The following TMPRSS9 variants were observed in gnomAD, a reference collection of about 807,000 sequenced individuals.
TMPRSS9 encodes transmembrane serine protease 9.
In TMPRSS9, 113 loss-of-function variants were observed where a neutral mutation model predicts 111.4. The ratio of observed to expected loss-of-function variants is 1.01; its 90% CI spans 0.87 to 1.19. The LOEUF is 1.19. Among genes scored for constraint, TMPRSS9 ranks in the 50% most tolerant of loss-of-function variants. The pLI, the probability that TMPRSS9 is intolerant of heterozygous loss-of-function variation, is 0.00. For missense variants in TMPRSS9, 1,803 were observed against 1,513.1 expected, an observed-to-expected ratio of 1.19 and a Z score of -3.18; for synonymous variants, 805 against 659.1, an observed-to-expected ratio of 1.22 and a Z score of -3.39.
chr19:2,422,355 G>T (rs1016155717), intron 14 of TMPRSS9, 108 bp downstream of exon 15: 31 of 1,309,938 alleles, frequency 2.4e-5, no homozygotes, highest in Non-Finnish European at 3.0e-5. Context: ...CGAGGCGGGC[G>T]GATCAAGAGG....
intron 1 of TMPRSS9, among the ~76,000 whole-genome samples, chr19:2,392,043 G>A (rs1339460512): frequency 6.6e-6 from 1 of 151,902 alleles, no homozygotes; most frequent in Non-Finnish European, 1.5e-5. Context: ...CGCCCCATCA[G>A]GAAGTCTTTC....
At chr19:2,385,136 C>G (rs1970448913), upstream of TMPRSS9, among the ~76,000 whole-genome samples, 1 of 143,660 alleles carries the variant, frequency 7.0e-6, no homozygotes, top group South Asian at 2.2e-4. Context: ...ACAGCCGGAG[C>G]TCGCAGGGGG....
At chr19:2,379,620 T>A (rs544741775) in intron 1 of TMPRSS9, among the ~76,000 whole-genome samples, 4 of 104,936 alleles carry the variant, frequency 3.8e-5, no homozygotes, top group African/African-American at 1.7e-4. Context: ...TCTTTCTCTT[T>A]CTTTCTTTCT....
At chr19:2,413,423 G>A (rs1971141698) in intron 9 of TMPRSS9, among the ~76,000 whole-genome samples, 1 of 152,134 alleles carries the variant, frequency 6.6e-6, no homozygotes, top group Non-Finnish European at 1.5e-5. Context: ...AAGAGGAGGG[G>A]ATGTTATTTA....
upstream of TMPRSS9, among the ~76,000 whole-genome samples, chr19:2,385,156 CGGAGGGCGGGGCTCGCG>C (rs1274787778): frequency 7.9e-5 from 3 of 37,866 alleles, no homozygotes; most frequent in African/African-American, 1.6e-4. Context: ...GCGGAGCTCG[CGGAGGGCGGGGCTCGCG>C]GGGGGCGGGG....
chr19:2,387,789 A>G (rs1348168973), upstream of TMPRSS9, among the ~76,000 whole-genome samples: 2 of 152,088 alleles, frequency 1.3e-5, no homozygotes, highest in African/African-American at 4.8e-5. Context: ...TGTGAAGGTC[A>G]GGAGCACTTT....
At chr19:2,408,707 T>A in intron 8 of TMPRSS9, 77 bp downstream of exon 9, 1 of 1,536,792 alleles carries the variant, frequency 6.5e-7, no homozygotes. Context: ...CCAGGTGAGG[T>A]GGCTCACGCC....
chr19:2,410,555 C>G (rs921929815), intron 9 of TMPRSS9, among the ~76,000 whole-genome samples, 161 bp downstream of exon 10: 3 of 152,160 alleles, frequency 2.0e-5, no homozygotes, highest in African/African-American at 7.2e-5. Flanking sequence ...CTGGGCGATT[C>G]ACAGATATCT....
At chr19:2,409,437 C>T (rs543022419) in intron 8 of TMPRSS9, among the ~76,000 whole-genome samples, 52 of 152,022 alleles carry the variant, frequency 3.4e-4, no homozygotes, top group African/African-American at 1.1e-3. Context: ...CCACCTCACC[C>T]GGCCAAAAAA....
intron 1 of TMPRSS9, among the ~76,000 whole-genome samples, chr19:2,373,030 C>T (rs898148885): frequency 6.6e-6 from 1 of 151,834 alleles, no homozygotes; most frequent in Admixed American, 6.6e-5. Flanking sequence ...ATGGGGGTCT[C>T]GCCATGTTGC....
In TMPRSS9 at chr19:2,423,374, C is replaced by G. The variant is rs1323475554; in HGVS notation, c.2549-715C>G. Among the ~76,000 whole-genome samples the G allele has an allele frequency of 2.0e-5, 3 of 150,672 alleles. No individual in the cohort carries two copies. The East Asian group carries it at 5.9e-4, about 30-fold the overall frequency. On this transcript the variant is annotated intron_variant, in intron 14 of 17. Coordinates refer to ENST00000648592, the Ensembl canonical transcript of TMPRSS9. ...TATCCAAGGCCACCTGGTCTTATGT[C>G]AGGGCCAGACGGTGCCAAGGCTGGT...
chr19:2,396,368 C>A, intron 1 of TMPRSS9, 171 bp from the exon 3 acceptor site: 1 of 704,862 alleles, frequency 1.4e-6, no homozygotes, highest in Non-Finnish European at 2.1e-6. Flanking sequence ...TGAGGGAGAG[C>A]CCTGTGAGTA....
intron 4 of TMPRSS9, among the ~76,000 whole-genome samples, chr19:2,399,699 C>T (rs1599294297): frequency 6.6e-6 from 1 of 151,992 alleles, no homozygotes. Flanking sequence ...GTTGTCTTGT[C>T]TTGTCTTCTC....
rs1373744365 is a variant in TMPRSS9, at chr19:2,418,347, TTCCC to T, written c.2154+223_2154+226del. 1.2e-4 allele frequency among the ~76,000 whole-genome samples: 3 copies of T among 24,708 alleles called. 1 individual carries two copies. Among genetic ancestry groups the T allele is most frequent in the African/African-American group, 4.2e-4 (1 of 2,362 alleles). The allele number at this position is 24,708 out of a possible 152,430, so 16.2% of individuals were successfully genotyped here. The stretch of plus-strand genomic sequence containing the variant: ...CCTCCCTCCCTTTCCTTCCCTCCCT[TTCCC>T]TCCCTCCCTCCCTTCCCTTCCCTCC... On this transcript the variant is annotated intron_variant, in intron 13 of 17. Coordinates refer to ENST00000648592, the Ensembl canonical transcript of TMPRSS9.
Position 2,405,466 on chromosome 19 carries a change from C to G in TMPRSS9, c.763C>G (p.Arg255Gly), listed in dbSNP as rs146089494. ...GGAGTTTCCGTGGCAAGCCAGCCTTCGAGAGAACAAGGAGCACTTCTGTGG... is the reference window on the plus strand; with the variant it reads ...GGAGTTTCCGTGGCAAGCCAGCCTTGGAGAGAACAAGGAGCACTTCTGTGG... Residue 255 changes from arginine to glycine, a missense_variant, in exon 7 of 18, where the codon CGA becomes GGA. Physicochemically the swap from Arg to Gly is moderately radical, Grantham distance 125. Transcript: ENST00000648592. 5.2e-4 allele frequency: 836 copies of G among 1,608,628 alleles called. 2 individuals are homozygous for G. Among genetic ancestry groups the G allele is most frequent in the South Asian group, 1.1e-3 (95 of 90,328 alleles).
intron 1 of TMPRSS9, among the ~76,000 whole-genome samples, chr19:2,363,219 C>T (rs1970216280): frequency 6.6e-6 from 1 of 152,210 alleles, no homozygotes; most frequent in Non-Finnish European, 1.5e-5. Context: ...CTAAAATTCC[C>T]TTTGCAGAAT....
chr19:2,393,120 G>T lies in TMPRSS9; in HGVS notation c.142+3193G>T, dbSNP rs367886319. ...AGGATGTGGGTGGGGCCAGATAAGG[G>T]AATAAAAGCGGACTGCTGGAGCCAG... On this transcript the variant is annotated intron_variant, in intron 1 of 17. Transcript: ENST00000648592. Among the ~76,000 whole-genome samples, 88 of 152,172 alleles carry T rather than the reference G, an allele frequency of 5.8e-4. 1 individual carries two copies. The highest frequency in any genetic ancestry group is 2.6e-4 in the Non-Finnish European group (18 of 68,034).
At chr19:2,365,714 C>T (rs184797606) in intron 1 of TMPRSS9, among the ~76,000 whole-genome samples, 329 of 152,094 alleles carry the variant, frequency 2.2e-3, no homozygotes, top group Admixed American at 5.1e-3. Context: ...CTTGTAGTCC[C>T]AGCTATTTGG....
At chr19:2,403,222 C>G in intron 6 of TMPRSS9, 27 bp downstream of exon 7, 1 of 1,567,400 alleles carries the variant, frequency 6.4e-7, no homozygotes, top group Non-Finnish European at 8.7e-7. Flanking sequence ...GGCCTGGTCT[C>G]TGGGCCCCTT....
Sources: gnomAD v4.1 joint callset for allele counts (sites outside exome capture counted in the v4.1 genomes callset) on GRCh38, gnomAD v4.1.1 for gene constraint, MANE v1.5 for transcripts, NCBI Gene and HGNC (gene_info 2026-07-23, HGNC 2026-07-21) for gene names.